Variants in IL1RAPL1 observed in about 807,000 individuals in gnomAD.
The protein encoded by IL1RAPL1 is interleukin 1 receptor accessory protein like 1.
IL1RAPL1 carries 3 observed loss-of-function variants against 48.4 expected under a neutral mutation model. The observed-to-expected ratio is 0.06, with a 90% CI of 0.03 to 0.16. IL1RAPL1 has a LOEUF of 0.16. Among genes scored for constraint, IL1RAPL1 ranks in the 10% least tolerant of loss-of-function variants. The probability of loss-of-function intolerance (pLI) is 1.00; values close to 1 mark genes in which losing one functional copy is unlikely to be tolerated. For synonymous variants in IL1RAPL1, 185 were observed against 187.7 expected, an observed-to-expected ratio of 0.99 and a Z score of 0.12; for missense variants, 349 against 530.6, an observed-to-expected ratio of 0.66 and a Z score of 3.36.
chrX:29,647,223 G>A (rs1430863842), intron 5 of IL1RAPL1, among the ~76,000 whole-genome samples: 1 of 109,842 alleles, frequency 9.1e-6, no homozygotes, highest in Non-Finnish European at 1.9e-5. Context: ...GGTGGCACGC[G>A]ACTGTAGTCC....
chrX:29,233,996 A>G (rs763920633), intron 2 of IL1RAPL1, among the ~76,000 whole-genome samples: 1 of 111,994 alleles, frequency 8.9e-6, no homozygotes, highest in South Asian at 3.8e-4. Flanking sequence ...ACTAGCAGGA[A>G]CAGAGATCTA....
intron 3 of IL1RAPL1, among the ~76,000 whole-genome samples, chrX:29,346,763 G>A (rs762901357): frequency 8.9e-6 from 1 of 112,161 alleles, no homozygotes; most frequent in South Asian, 3.7e-4. Context: ...ATTTCTCAGG[G>A]TACACTAAAT....
intron 3 of IL1RAPL1, among the ~76,000 whole-genome samples, chrX:29,354,889 C>A (rs761222607): frequency 4.2e-4 from 47 of 112,010 alleles, no homozygotes; most frequent in Non-Finnish European, 6.4e-4. Flanking sequence ...ACATGTATAT[C>A]TCATATATAC....
chrX:28,740,587 G>C (rs1935894899), intron 1 of IL1RAPL1, among the ~76,000 whole-genome samples: 1 of 110,756 alleles, frequency 9.0e-6, no homozygotes, highest in South Asian at 3.8e-4. Flanking sequence ...GGATTTTGGT[G>C]TAAAAATGAT....
intron 2 of IL1RAPL1, among the ~76,000 whole-genome samples, chrX:29,097,877 G>T (rs1928249543): frequency 8.9e-6 from 1 of 112,017 alleles, no homozygotes. Context: ...AAGATGAAGG[G>T]ACTAGATTTA....
intron 6 of IL1RAPL1, among the ~76,000 whole-genome samples, chrX:29,729,065 C>A (rs1187840934): frequency 8.9e-6 from 1 of 111,740 alleles, no homozygotes; most frequent in African/African-American, 3.3e-5. Flanking sequence ...GGCATGGTGT[C>A]ATGTCTACGT....
chrX:29,058,679 A>T (rs989235660), intron 2 of IL1RAPL1, among the ~76,000 whole-genome samples: 1 of 111,825 alleles, frequency 8.9e-6, no homozygotes, highest in Non-Finnish European at 1.9e-5. Flanking sequence ...CTCTCCTCAG[A>T]AGAGAATCTG....
chrX:29,769,882 T>A (rs894090069), intron 6 of IL1RAPL1, among the ~76,000 whole-genome samples: 6 of 110,625 alleles, frequency 5.4e-5, no homozygotes, highest in African/African-American at 2.0e-4. Flanking sequence ...CCCAAAGTGC[T>A]GGGATTACAG....
At chrX:29,809,558 A>G (rs755264892) in intron 6 of IL1RAPL1, among the ~76,000 whole-genome samples, 2 of 110,966 alleles carry the variant, frequency 1.8e-5, no homozygotes, top group South Asian at 7.6e-4. Flanking sequence ...GTTTCTCTGT[A>G]TTTTAGTCAT....
intron 5 of IL1RAPL1, among the ~76,000 whole-genome samples, chrX:29,667,472 T>C (rs1926029556): frequency 8.9e-6 from 1 of 111,886 alleles, no homozygotes; most frequent in Non-Finnish European, 1.9e-5. Context: ...CAAAAACATT[T>C]AGTTTAGCAA....
intron 2 of IL1RAPL1, among the ~76,000 whole-genome samples, chrX:28,960,787 T>C (rs1227247367): frequency 9.1e-6 from 1 of 110,497 alleles, no homozygotes; most frequent in Non-Finnish European, 1.9e-5. Flanking sequence ...GATGGGCGGA[T>C]TCCGAGGTCA....
intron 1 of IL1RAPL1, among the ~76,000 whole-genome samples, chrX:28,662,767 G>C (rs1387114167): frequency 9.0e-6 from 1 of 111,690 alleles, no homozygotes; most frequent in Non-Finnish European, 1.9e-5. Flanking sequence ...ACCAGAAAAG[G>C]AAGGGGGTGA....
chrX:29,594,047 C>T (rs1219465672), intron 5 of IL1RAPL1, among the ~76,000 whole-genome samples: 7 of 112,470 alleles, frequency 6.2e-5, no homozygotes, highest in African/African-American at 2.3e-4. Context: ...TGGCAGCAAT[C>T]GTTGTGAACT....
chrX:28,897,333 C>T (rs1000661505), intron 2 of IL1RAPL1, among the ~76,000 whole-genome samples: 2 of 111,739 alleles, frequency 1.8e-5, no homozygotes, highest in Non-Finnish European at 3.8e-5. Context: ...ATCAGGCAGG[C>T]GTCCCTGCGT....
At chrX:29,607,408 T>C (rs1923928789) in intron 5 of IL1RAPL1, among the ~76,000 whole-genome samples, 1 of 112,125 alleles carries the variant, frequency 8.9e-6, no homozygotes, top group Non-Finnish European at 1.9e-5. Context: ...ATGAATATGT[T>C]CAAGATCAAA....
At chrX:28,842,282 CA>C (rs758294495) in intron 2 of IL1RAPL1, among the ~76,000 whole-genome samples, 47 of 105,070 alleles carry the variant, frequency 4.5e-4, no homozygotes, top group Admixed American at 2.5e-3. Context: ...ATATAAATTT[CA>C]AAAAAAAAAT....
chrX:28,765,202 A>G (rs893555968), intron 1 of IL1RAPL1, among the ~76,000 whole-genome samples: 4 of 110,339 alleles, frequency 3.6e-5, no homozygotes, highest in Non-Finnish European at 5.7e-5. Flanking sequence ...TACCTAATGT[A>G]AATGATGAGT....
chrX:29,794,608 TCA>T (rs900634540), intron 6 of IL1RAPL1, among the ~76,000 whole-genome samples: 17 of 111,899 alleles, frequency 1.5e-4, no homozygotes, highest in African/African-American at 4.9e-4. Flanking sequence ...CTTCAAGTTC[TCA>T]GTCTCAATCT....
chrX:28,735,307 A>AT (rs1042364613), intron 1 of IL1RAPL1, among the ~76,000 whole-genome samples: 37 of 107,056 alleles, frequency 3.5e-4, no homozygotes, highest in East Asian at 2.9e-3. Context: ...TCTATAGAGT[A>AT]TTTTTTTTTT....
Sources: allele counts gnomAD v4.1 joint callset (sites outside exome capture counted in the v4.1 genomes callset), GRCh38; gene constraint gnomAD v4.1.1; transcripts MANE v1.5; gene names NCBI Gene and HGNC (gene_info 2026-07-23, HGNC 2026-07-21).